Variants in ARHGEF10 observed in about 807,000 individuals in gnomAD.
The protein encoded by ARHGEF10 is Rho guanine nucleotide exchange factor 10.
Under a neutral mutation model 147.4 loss-of-function variants are expected in ARHGEF10, and 140 were observed. That is an observed-to-expected ratio of 0.95 (90% confidence interval 0.83 to 1.09). The LOEUF (loss-of-function observed/expected upper bound fraction) is 1.09, where lower values mean the gene tolerates loss of function less well. Ranked by LOEUF, ARHGEF10 falls within the 50% of genes least tolerant of loss-of-function variation. The pLI, the probability that ARHGEF10 is intolerant of heterozygous loss-of-function variation, is 0.00. For missense variants in ARHGEF10, 2,222 were observed against 1,752.7 expected (o/e 1.27, Z -4.78); for synonymous variants, 902 against 695.8 (o/e 1.30, Z -4.67).
intron 11 of ARHGEF10, among the ~76,000 whole-genome samples, chr8:1,891,738 T>C (rs1024746641): frequency 1.2e-4 from 18 of 152,152 alleles, no homozygotes; most frequent in African/African-American, 4.3e-4. Flanking sequence ...ACACTCTTCC[T>C]GAGCACTGGA....
At chr8:1,949,018 ATGTG>A (rs56097916) in intron 27 of ARHGEF10, among the ~76,000 whole-genome samples, 22 of 149,862 alleles carry the variant, frequency 1.5e-4, no homozygotes, top group East Asian at 3.9e-4. Context: ...ATGGGTTTTC[ATGTG>A]TGTGTGTGTG....
At chr8:1,945,428 C>T in intron 26 of ARHGEF10, 53 bp from the exon 27 acceptor site, 2 of 1,550,128 alleles carry the variant, frequency 1.3e-6, no homozygotes, top group Non-Finnish European at 1.7e-6. Context: ...CCCAACAGGC[C>T]CCACTCAGAC....
At chr8:1,935,782 G>T (rs1428821563) in intron 26 of ARHGEF10, among the ~76,000 whole-genome samples, 2 of 152,254 alleles carry the variant, frequency 1.3e-5, no homozygotes, top group African/African-American at 2.4e-5. Context: ...AGGAGCTGGG[G>T]AAATGAGGGC....
Position 1,898,504 on chromosome 8 carries a change from A to G in ARHGEF10, c.1629A>G (p.Pro543=), listed in dbSNP as rs1457322211. The G allele has an allele frequency of 1.2e-6, 2 of 1,614,098 alleles. No individual in the cohort carries two copies. Among genetic ancestry groups the G allele is most frequent in the South Asian group, 1.1e-5 (1 of 91,072 alleles). ...TGATGAAGCCCATCCAGAGGTTCCC[A>G]CAGTTCATCCTCCTGCTCCAGGTAA... ...SLMMKPIQRF[P]QFILLLQDML... The change falls in exon 15 of 29, where the codon CCA becomes CCG. Residue 543 remains proline (P), a synonymous_variant. Transcript: ENST00000349830.
In ARHGEF10 at chr8:1,857,997, G is replaced by C; in HGVS notation, c.75G>C (p.Glu25Asp). The change falls in exon 3 of 29, where the codon GAG becomes GAC. Residue 25 changes from glutamate (E) to aspartate (D), a missense_variant. Glu to Asp is a conservative substitution (Grantham distance 45, BLOSUM62 2). Coordinates refer to ENST00000349830, the MANE Select transcript of ARHGEF10 (RefSeq NM_014629.4). ...AATATGATACCAATAATAATGAAGA[G>C]GAAGAGGGAGAACAGTTCGATTTTG... ...EMKYDTNNNE[E>D]EEGEQFDFDS... 3 of 1,614,054 alleles carry C rather than the reference G, an allele frequency of 1.9e-6. No homozygotes were observed. Among genetic ancestry groups the C allele is most frequent in the Non-Finnish European group, 2.5e-6 (3 of 1,179,990 alleles).
At chr8:1,825,951 T>C in intron 1 of ARHGEF10, 1 of 658,972 alleles carries the variant, frequency 1.5e-6, no homozygotes, top group East Asian at 2.7e-5. Context: ...ACCTGCTTTA[T>C]AGAAAATAAT....
rs192658653 is a variant in ARHGEF10 at position 1,919,886 on chromosome 8, C to G, written c.2144-3078C>G. ...ATGGAGCTGCTCTGTGGGTGATGAGCTGTTCTGTCAGTGATGGAGCTGTTC... is the reference window on the plus strand; with the variant it reads ...ATGGAGCTGCTCTGTGGGTGATGAGGTGTTCTGTCAGTGATGGAGCTGTTC... On this transcript the variant is annotated intron_variant, in intron 18 of 28. Transcript: ENST00000349830. Among the ~76,000 whole-genome samples the G allele has an allele frequency of 1.7e-3, 217 of 124,938 alleles. 4 individuals are homozygous for G. The highest frequency in any genetic ancestry group is 2.6e-3 in the Non-Finnish European group (159 of 62,006). The allele number at this position is 124,938 out of a possible 152,430, so 82.0% of individuals were successfully genotyped here. A position where few individuals can be genotyped will look rare whatever the true frequency, so the allele number is the denominator to read the frequency against.
chr8:1,949,322 G>T (rs1040081688), intron 27 of ARHGEF10, among the ~76,000 whole-genome samples: 2 of 152,156 alleles, frequency 1.3e-5, no homozygotes, highest in African/African-American at 4.8e-5. Context: ...TTTAGCTCAC[G>T]TTCTTTCACA....
chr8:1,849,248 ACAGACGGCAAATGCTGAGAAGGG>A, intron 2 of ARHGEF10, among the ~76,000 whole-genome samples: 2 of 152,182 alleles, frequency 1.3e-5, no homozygotes, highest in African/African-American at 4.8e-5. Context: ...CTGCGGGGAC[ACAGACGGCAAATGCTGAGAAGGG>A]CGTAGGGCGG....
At chr8:1,889,082 G>A (rs1395797157) in intron 11 of ARHGEF10, among the ~76,000 whole-genome samples, 1 of 96,540 alleles carries the variant, frequency 1.0e-5, no homozygotes, top group South Asian at 4.6e-4. Flanking sequence ...GGGGTGAGGG[G>A]TCCGTGAGGA....
chr8:1,827,902 G>C (rs1243134131), intron 1 of ARHGEF10, among the ~76,000 whole-genome samples: 1 of 152,208 alleles, frequency 6.6e-6, no homozygotes, highest in African/African-American at 2.4e-5. Context: ...AGGGAGCGAT[G>C]GGGAAGCATG....
At chr8:1,833,303 G>C (rs1200734846) in intron 1 of ARHGEF10, among the ~76,000 whole-genome samples, 2 of 119,130 alleles carry the variant, frequency 1.7e-5, no homozygotes, top group Non-Finnish European at 3.5e-5. Context: ...CAGAGACAGA[G>C]GCAGAGACAG....
At position 1,864,426 on chromosome 8, in the gene ARHGEF10, C is replaced by A; in HGVS notation, c.535C>A (p.Pro179Thr). ...RQPNSLSSEEPPTSEDQVGRE... is the reference protein window; with the variant it reads ...RQPNSLSSEETPTSEDQVGRE... Reference sequence around the variant, plus strand: ...GCCCAATTCTCTGAGTTCCGAGGAGCCTCCAACCAGGTATCTGCATCCGTC... The same window carrying A: ...GCCCAATTCTCTGAGTTCCGAGGAGACTCCAACCAGGTATCTGCATCCGTC... Residue 179 changes from proline (P) to threonine (T), a missense_variant, in exon 5 of 29, where the codon CCT (proline) becomes ACT (threonine). Transcript: ENST00000349830. The A allele has an allele frequency of 6.2e-7, 1 of 1,614,014 alleles. No homozygotes were observed. Among genetic ancestry groups the A allele is most frequent in the Non-Finnish European group, 8.5e-7 (1 of 1,179,890 alleles).
chr8:1,908,368 C>T lies in ARHGEF10; in HGVS notation c.1968-927C>T, dbSNP rs1345405665. The stretch of plus-strand genomic sequence containing the variant: ...GCCTCAGCCTCCCTAGTAGCTGGGA[C>T]TACAGGCACCCACCACCACACCCAG... On this transcript the variant is annotated intron_variant, in intron 17 of 28. Coordinates refer to ENST00000349830, the MANE Select transcript of ARHGEF10 (RefSeq NM_014629.4). 4.0e-5 allele frequency among the ~76,000 whole-genome samples: 6 copies of T among 151,490 alleles called. No homozygotes were observed. In the East Asian group the frequency reaches 1.2e-3, roughly 29 times the overall value.
intron 2 of ARHGEF10, among the ~76,000 whole-genome samples, chr8:1,846,030 T>C (rs1046810567): frequency 5.3e-5 from 8 of 152,232 alleles, no homozygotes; most frequent in African/African-American, 1.9e-4. Context: ...GGGCCAAGGC[T>C]ACTGGATCCA....
At position 1,888,104 on chromosome 8, in the gene ARHGEF10, T is replaced by TGAGGAGACACTTAGTGGGGCGAGGGTTGC. The variant is rs1808868332; in HGVS notation, c.1182+2416_1182+2417insCGAGGGTTGCGAGGAGACACTTAGTGGGG. Among the ~76,000 whole-genome samples the TGAGGAGACACTTAGTGGGGCGAGGGTTGC allele has an allele frequency of 4.0e-5, 5 of 125,134 alleles. 1 individual carries two copies. The highest frequency in any genetic ancestry group is 2.7e-4 in the East Asian group (1 of 3,656). 82.1% of individuals were successfully genotyped at this position (125,134 alleles called of 152,430 possible). ...GAGACACTAGGTAGGGTGAATGTTT[T>TGAGGAGACACTTAGTGGGGCGAGGGTTGC]GAGGAGACACTTAGTGGGGTGAGGG... is the stretch of plus-strand genomic sequence containing the variant. On this transcript the variant is annotated intron_variant, in intron 11 of 28. Coordinates refer to ENST00000349830, the MANE Select transcript of ARHGEF10 (RefSeq NM_014629.4).
Position 1,888,303 on chromosome 8 carries a change from TTGTGAGGATA to T in ARHGEF10, c.1182+2599_1182+2608del. On this transcript the variant is annotated intron_variant, in intron 11 of 28. Coordinates refer to ENST00000349830, the MANE Select transcript of ARHGEF10 (RefSeq NM_014629.4). ...TTCTGAGGAGGGGTGGGGTGAGGGT[TTGTGAGGATA>T]TGCTGAGTGGGATGTTGACTGTGAG... Among the ~76,000 whole-genome samples the T allele has an allele frequency of 5.3e-5, 5 of 93,506 alleles. 1 individual carries two copies. Among genetic ancestry groups the T allele is most frequent in the South Asian group, 4.9e-4 (1 of 2,054 alleles). 61.3% of individuals were successfully genotyped at this position (93,506 alleles called of 152,430 possible).
chr8:1,940,572 C>T (rs1403123055), intron 26 of ARHGEF10, among the ~76,000 whole-genome samples: 1 of 152,164 alleles, frequency 6.6e-6, no homozygotes, highest in Non-Finnish European at 1.5e-5. Context: ...AAAGAATTAA[C>T]AGTACTCTTT....
At chr8:1,859,794 T>A (rs1805940651) in intron 3 of ARHGEF10, 103 bp from the exon 4 acceptor site, 3 of 1,408,266 alleles carry the variant, frequency 2.1e-6, no homozygotes, top group South Asian at 2.3e-5. Context: ...TGGCATGGGA[T>A]GATGGTGGGA....
Sources: gnomAD v4.1 joint callset for allele counts (sites outside exome capture counted in the v4.1 genomes callset) on GRCh38, gnomAD v4.1.1 for gene constraint, MANE v1.5 for transcripts, NCBI Gene and HGNC (gene_info 2026-07-23, HGNC 2026-07-21) for gene names.